PARG: variants seen among roughly 807,000 people sequenced by gnomAD.
PARG encodes the protein mitochondrial poly(ADP-ribose) glycohydrolase.
A neutral mutation model predicts 113.0 loss-of-function variants in PARG; 35 were observed. The ratio of observed to expected loss-of-function variants is 0.31; its 90% CI spans 0.24 to 0.41. PARG has a LOEUF of 0.41. Ranked by LOEUF, PARG falls within the 10% of genes least tolerant of loss-of-function variation. The probability of loss-of-function intolerance (pLI) is 1.00; values close to 1 mark genes in which losing one functional copy is unlikely to be tolerated. For synonymous variants in PARG, 330 were observed against 409.9 expected, an observed-to-expected ratio of 0.81 and a Z score of 2.36; for missense variants, 797 against 1,169.4, an observed-to-expected ratio of 0.68 and a Z score of 4.64.
At chr10:49,894,333 C>T (rs187091329) in intron 7 of PARG, among the ~76,000 whole-genome samples, 707 of 152,004 alleles carry the variant, frequency 4.7e-3, no homozygotes, top group East Asian at 0.018. Context: ...TGAGCCAATG[C>T]GCCTGGCATC....
chr10:49,864,209 A>G (rs1159662970), intron 11 of PARG, among the ~76,000 whole-genome samples: 1 of 152,106 alleles, frequency 6.6e-6, no homozygotes, highest in Admixed American at 6.6e-5. Context: ...TTCCTTTCAG[A>G]TCTAACATGC....
At chr10:49,909,189 T>C (rs1837029075) in intron 7 of PARG, among the ~76,000 whole-genome samples, 2 of 152,164 alleles carry the variant, frequency 1.3e-5, no homozygotes, top group Non-Finnish European at 2.9e-5. Flanking sequence ...TGCATAAACA[T>C]ACAACTATTG....
In PARG at chr10:49,819,313, G is replaced by A. The variant is rs1388306571; in HGVS notation, c.*27C>T. The A allele has an allele frequency of 3.9e-6, 6 of 1,538,764 alleles. No homozygotes were observed. The highest frequency in any genetic ancestry group is 3.5e-6 in the Non-Finnish European group (4 of 1,138,112). ...AAACAGGACGTCTCTGGTGGGAGGT[G>A]GGAGGAGATGCTATTCGCTCGGCTC... On this transcript the variant is annotated 3_prime_UTR_variant, in exon 18 of 18. Transcript: ENST00000616448.
intron 12 of PARG, among the ~76,000 whole-genome samples, chr10:49,859,480 G>C (rs1287692989): frequency 2.0e-5 from 3 of 151,512 alleles, no homozygotes; most frequent in African/African-American, 2.4e-5. Flanking sequence ...GTAAAGGAAA[G>C]AGAAGAAACT....
intron 13 of PARG, among the ~76,000 whole-genome samples, chr10:49,849,104 A>C (rs1263604477): frequency 6.6e-6 from 1 of 152,044 alleles, no homozygotes; most frequent in African/African-American, 2.4e-5. Flanking sequence ...CTGAGGCAGG[A>C]GAATCGCTTG....
At chr10:49,913,557 T>C (rs1311021309) in intron 7 of PARG, among the ~76,000 whole-genome samples, 4 of 152,178 alleles carry the variant, frequency 2.6e-5, no homozygotes, top group Non-Finnish European at 4.4e-5. Flanking sequence ...AAATACTTAG[T>C]GTAGTTGTGG....
rs1838685875 is a variant in PARG at position 49,935,132 on chromosome 10, T to C, written c.228A>G (p.Gln76=). The change falls in exon 2 of 18, where the codon CAA becomes CAG. Residue 76 remains glutamine, a synonymous_variant. Coordinates refer to ENST00000616448, the MANE Select transcript of PARG (RefSeq NM_003631.5). ...RGSATSLVFK[Q]KTITSWMDTK... ...TGTCCATCCAACTGGTAATAGTCTT[T>C]TGTTTGAAAACTATAAAAAAAAATG... 6 of 768,260 alleles carry C rather than the reference T, an allele frequency of 7.8e-6. No individual in the cohort carries two copies. Among genetic ancestry groups the C allele is most frequent in the Admixed American group, 2.2e-5 (1 of 45,968 alleles). 47.6% of individuals were successfully genotyped at this position (768,260 alleles called of 1,614,324 possible).
chr10:49,923,531 G>A (rs2132909347), intron 4 of PARG, among the ~76,000 whole-genome samples: 1 of 152,070 alleles, frequency 6.6e-6, no homozygotes, highest in African/African-American at 2.4e-5. Flanking sequence ...ACAGTAGGTA[G>A]CCAGTCAGAC....
At chr10:49,839,878 A>T (rs1678662627) in intron 15 of PARG, among the ~76,000 whole-genome samples, 1 of 152,210 alleles carries the variant, frequency 6.6e-6, no homozygotes, top group African/African-American at 2.4e-5. Context: ...TCTCTCCAAC[A>T]ACCTACTGCT....
intron 3 of PARG, 125 bp downstream of exon 3, chr10:49,933,052 A>G (rs1233487611): frequency 1.0e-5 from 7 of 701,602 alleles, no homozygotes; most frequent in Middle Eastern, 2.7e-4. Context: ...TAAATTTAGC[A>G]TAAGTAGTTA....
In PARG at chr10:49,819,382, A is replaced by G; in HGVS notation, c.2889T>C (p.Cys963=). The change falls in exon 18 of 18, where the codon TGT becomes TGC. Residue 963 remains cysteine, a synonymous_variant. Transcript: ENST00000616448. ...GCCCTGAATGGTCAGCGGTCTCTGC[A>G]CAGGACTCGACAGCATGGTATATGA... ...YPFIYHAVES[C]AETADHSGQR... 6.4e-7 allele frequency: 1 copy of G among 1,551,550 alleles called. No homozygotes were observed. Among genetic ancestry groups the G allele is most frequent in the African/African-American group, 1.4e-5 (1 of 73,152 alleles).
chr10:49,912,535 C>T (rs1175621249), intron 7 of PARG, among the ~76,000 whole-genome samples: 1 of 151,624 alleles, frequency 6.6e-6, no homozygotes, highest in African/African-American at 2.4e-5. Context: ...TGGTGGCGCA[C>T]GTCTGTAGTC....
At chr10:49,913,001 A>G (rs1327190084) in intron 7 of PARG, among the ~76,000 whole-genome samples, 1 of 152,242 alleles carries the variant, frequency 6.6e-6, no homozygotes, top group African/African-American at 2.4e-5. Context: ...AGTACAGAAC[A>G]TAAGACACTG....
chr10:49,929,477 T>C (rs1215885456), intron 4 of PARG, among the ~76,000 whole-genome samples: 2 of 152,264 alleles, frequency 1.3e-5, no homozygotes, highest in African/African-American at 4.8e-5. Flanking sequence ...GAATCCCTTT[T>C]TTCCCTAAGA....
At chr10:49,859,888 C>T (rs1425564941) in intron 12 of PARG, among the ~76,000 whole-genome samples, 1 of 152,096 alleles carries the variant, frequency 6.6e-6, no homozygotes, top group Non-Finnish European at 1.5e-5. Flanking sequence ...AAACCTGTTC[C>T]AGTACATGAA....
rs182023835 is a variant in PARG, at chr10:49,828,934, A to C, written c.2647+3869T>G. 2.0e-3 allele frequency among the ~76,000 whole-genome samples: 302 copies of C among 152,348 alleles called. 3 individuals carry two copies. Among genetic ancestry groups the C allele is most frequent in the African/African-American group, 7.0e-3 (292 of 41,576 alleles). On this transcript the variant is annotated intron_variant, in intron 16 of 17. Transcript: ENST00000616448. ...AAAACTCATGTACAATTAAGTAACA[A>C]GCATGTTAAAAATATTTTGCCAGCC...
intron 12 of PARG, 30 bp from the exon 13 acceptor site, chr10:49,857,483 T>C: frequency 6.3e-7 from 1 of 1,589,950 alleles, no homozygotes; most frequent in South Asian, 1.1e-5. Flanking sequence ...TATTAAATAA[T>C]GGTCAAAAAT....
intron 8 of PARG, among the ~76,000 whole-genome samples, 165 bp from the exon 9 acceptor site, chr10:49,879,995 C>G (rs1588934157): frequency 6.7e-6 from 1 of 150,336 alleles, no homozygotes; most frequent in Non-Finnish European, 1.5e-5. Context: ...GGCTGTTTAT[C>G]AGGGATGATT....
chr10:49,851,009 G>T (rs1313958259), intron 13 of PARG, among the ~76,000 whole-genome samples: 1 of 152,196 alleles, frequency 6.6e-6, no homozygotes, highest in Admixed American at 6.5e-5. Context: ...AAGACTGAAT[G>T]ACCATTGTGA....
Sources: allele counts gnomAD v4.1 joint callset (sites outside exome capture counted in the v4.1 genomes callset), GRCh38; gene constraint gnomAD v4.1.1; transcripts MANE v1.5; gene names NCBI Gene and HGNC (gene_info 2026-07-23, HGNC 2026-07-21).